Variants in CRPPA observed in about 807,000 individuals in gnomAD.
The protein encoded by CRPPA is CDP-L-ribitol pyrophosphorylase A.
A neutral mutation model predicts 52.0 loss-of-function variants in CRPPA; 43 were observed. That is an observed-to-expected ratio of 0.83 (90% CI 0.65 to 1.07). CRPPA has a LOEUF of 1.07. Ranked by LOEUF, CRPPA falls within the 50% of genes least tolerant of loss-of-function variation. The pLI, the probability that CRPPA is intolerant of heterozygous loss-of-function variation, is 0.00. For synonymous variants in CRPPA, 250 were observed against 203.5 expected, an observed-to-expected ratio of 1.23 and a Z score of -1.94; for missense variants, 629 against 551.7, an observed-to-expected ratio of 1.14 and a Z score of -1.40.
rs573411582 is a variant in CRPPA at position 16,310,739 on chromosome 7, G to A, written c.685-2112C>T. Among the ~76,000 whole-genome samples, 17 of 152,134 alleles carry A rather than the reference G, an allele frequency of 1.1e-4. No homozygotes were observed. In the South Asian group the frequency reaches 3.5e-3, roughly 32 times the overall value. On this transcript the variant is annotated intron_variant, in intron 3 of 9. Transcript: ENST00000407010. ...GAACAACATTGAATTTCCAGATTAAGAGAAATTATAGAGTATGGAAGCTAA... is the reference window on the plus strand; with the variant it reads ...GAACAACATTGAATTTCCAGATTAAAAGAAATTATAGAGTATGGAAGCTAA...
At chr7:16,254,816 A>G (rs184692464) in intron 8 of CRPPA, among the ~76,000 whole-genome samples, 18 of 147,860 alleles carry the variant, frequency 1.2e-4, no homozygotes, top group African/African-American at 4.0e-4. Flanking sequence ...AAAGAAAGAA[A>G]GAAAGAAAGA....
At position 16,342,800 on chromosome 7, in the gene CRPPA, T is replaced by TAG. The variant is rs1169538047; in HGVS notation, c.684+33291_684+33292insCT. On this transcript the variant is annotated intron_variant, in intron 3 of 9. Transcript: ENST00000407010. ...AAAAAAAAATATATATATATATATC[T>TAG]ATATAGATATATAGATATACATATA... Among the ~76,000 whole-genome samples, 32 of 98,772 alleles carry TAG rather than the reference T, an allele frequency of 3.2e-4. 4 individuals carry two copies. The highest frequency in any genetic ancestry group is 9.9e-4 in the African/African-American group (26 of 26,338). The allele number at this position is 98,772 out of a possible 152,430, so 64.8% of individuals were successfully genotyped here. A position where few individuals can be genotyped will look rare whatever the true frequency, so the allele number is the denominator to read the frequency against.
chr7:16,418,739 A>T (rs1399085557), intron 1 of CRPPA, among the ~76,000 whole-genome samples: 1 of 152,174 alleles, frequency 6.6e-6, no homozygotes, highest in Non-Finnish European at 1.5e-5. Flanking sequence ...TGATTCAATT[A>T]CTTCCACCTG....
intron 3 of CRPPA, among the ~76,000 whole-genome samples, chr7:16,313,309 A>C (rs1236724109): frequency 6.6e-6 from 1 of 151,954 alleles, no homozygotes; most frequent in Admixed American, 6.6e-5. Context: ...GTGTCTTTCA[A>C]TGAACTGGTC....
At chr7:16,257,635 T>C (rs1783678342) in intron 8 of CRPPA, among the ~76,000 whole-genome samples, 1 of 152,056 alleles carries the variant, frequency 6.6e-6, no homozygotes, top group South Asian at 2.1e-4. Context: ...AGAATTAAAT[T>C]CCCACAGTAT....
chr7:16,403,345 T>A (rs17169467), intron 2 of CRPPA, among the ~76,000 whole-genome samples: 15,584 of 152,190 alleles, frequency 0.1, 973 homozygotes, highest in East Asian at 0.25. Context: ...ATGCCAGCCT[T>A]AATCGTGGAT....
intron 2 of CRPPA, among the ~76,000 whole-genome samples, chr7:16,389,928 A>AAAAAAAAAAAAAAAAAAAAAATATATAT: frequency 6.7e-5 from 2 of 29,760 alleles, no homozygotes; most frequent in African/African-American, 3.5e-4. Context: ...AAAAAAAAAA[A>AAAAAAAAAAAAAAAAAAAAAATATATAT]ATATATATAT....
At chr7:16,360,583 T>C (rs1204679710) in intron 3 of CRPPA, among the ~76,000 whole-genome samples, 1 of 152,178 alleles carries the variant, frequency 6.6e-6, no homozygotes, top group Non-Finnish European at 1.5e-5. Context: ...CCCACATATA[T>C]GTTCAAATAA....
At chr7:16,193,810 C>T (rs771199918) in intron 9 of CRPPA, among the ~76,000 whole-genome samples, 4 of 152,080 alleles carry the variant, frequency 2.6e-5, no homozygotes, top group Admixed American at 6.6e-5. Flanking sequence ...CTCCTCCGTG[C>T]GCTTATCCCC....
intron 9 of CRPPA, among the ~76,000 whole-genome samples, chr7:16,134,782 A>G (rs1470941069): frequency 6.6e-6 from 1 of 152,236 alleles, no homozygotes; most frequent in African/African-American, 2.4e-5. Context: ...TAATTGAATC[A>G]CAGCCAGATC....
intron 9 of CRPPA, among the ~76,000 whole-genome samples, chr7:16,135,524 ACT>A (rs1361213826): frequency 6.6e-6 from 1 of 152,194 alleles, no homozygotes; most frequent in Non-Finnish European, 1.5e-5. Context: ...TGTTATGAAC[ACT>A]TAAAGAAGCA....
chr7:16,146,552 A>T (rs1782977783), intron 9 of CRPPA, among the ~76,000 whole-genome samples: 1 of 152,216 alleles, frequency 6.6e-6, no homozygotes, highest in Non-Finnish European at 1.5e-5. Context: ...AAATATTAAA[A>T]TTAACTATAG....
chr7:16,390,752 T>C (rs777301697), intron 2 of CRPPA, among the ~76,000 whole-genome samples: 31 of 152,186 alleles, frequency 2.0e-4, no homozygotes, highest in Non-Finnish European at 3.7e-4. Context: ...CAGAGCAGTT[T>C]TGGAGAACTC....
chr7:16,328,018 G>C (rs1785457938), intron 3 of CRPPA, among the ~76,000 whole-genome samples: 1 of 152,138 alleles, frequency 6.6e-6, no homozygotes, highest in Non-Finnish European at 1.5e-5. Context: ...ATGCAGATGA[G>C]ATTTCCTGTT....
chr7:16,282,618 T>C (rs1784341900), intron 5 of CRPPA, among the ~76,000 whole-genome samples: 1 of 152,052 alleles, frequency 6.6e-6, no homozygotes, highest in Non-Finnish European at 1.5e-5. Context: ...TTGAAAGTTA[T>C]TAAAATAAAA....
chr7:16,266,334 A>G (rs1295141), intron 6 of CRPPA: 120,147 of 152,044 alleles, frequency 0.79, 48,243 homozygotes, highest in African/African-American at 0.94. Flanking sequence ...TTGTGCATCC[A>G]TCTCTCACTG....
intron 1 of CRPPA, among the ~76,000 whole-genome samples, chr7:16,410,419 G>A (rs1447404672): frequency 1.3e-5 from 2 of 152,166 alleles, no homozygotes; most frequent in African/African-American, 2.4e-5. Context: ...ATTAGCAAGT[G>A]GTGAGTGACA....
At chr7:16,399,931 T>G (rs1052275458) in intron 2 of CRPPA, among the ~76,000 whole-genome samples, 1 of 151,848 alleles carries the variant, frequency 6.6e-6, no homozygotes, top group African/African-American at 2.4e-5. Flanking sequence ...GCGTGTTATG[T>G]GACCATATGT....
At chr7:16,364,338 A>G (rs1786533494) in intron 3 of CRPPA, among the ~76,000 whole-genome samples, 1 of 152,228 alleles carries the variant, frequency 6.6e-6, no homozygotes, top group Non-Finnish European at 1.5e-5. Flanking sequence ...TGAATTCTTA[A>G]AAGTCAAAAC....
Sources: allele counts gnomAD v4.1 joint callset (sites outside exome capture counted in the v4.1 genomes callset), GRCh38; gene constraint gnomAD v4.1.1; transcripts MANE v1.5; gene names NCBI Gene and HGNC (gene_info 2026-07-23, HGNC 2026-07-21).